The following C2CD3 variants were observed in gnomAD, a reference collection of about 807,000 sequenced individuals.
The protein encoded by C2CD3 is C2 domain containing 3 centriole elongation regulator.
In C2CD3, 148 loss-of-function variants were observed where a neutral mutation model predicts 234.0. The observed-to-expected ratio is 0.63, with a 90% CI of 0.55 to 0.72. The LOEUF is 0.72. Among genes scored for constraint, C2CD3 ranks in the 30% least tolerant of loss-of-function variants. C2CD3 has a pLI of 0.00. For synonymous variants in C2CD3, 1,000 were observed against 1,035.4 expected (o/e 0.97, Z 0.66); for missense variants, 2,577 against 2,811.5 (o/e 0.92, Z 1.89).
At chr11:74,054,889 C>A (rs987430375) in intron 25 of C2CD3, among the ~76,000 whole-genome samples, 3 of 152,124 alleles carry the variant, frequency 2.0e-5, no homozygotes, top group African/African-American at 7.2e-5. Flanking sequence ...AAACAGGCTC[C>A]CCTGACACAA....
In C2CD3 at chr11:74,065,913, G is replaced by A. The variant is rs573795728; in HGVS notation, c.4951+8340C>T. 7.3e-3 allele frequency among the ~76,000 whole-genome samples: 811 copies of A among 110,630 alleles called. 7 individuals are homozygous for A. Among genetic ancestry groups the A allele is most frequent in the African/African-American group, 0.026 (734 of 28,634 alleles). The allele number at this position is 110,630 out of a possible 152,430, so 72.6% of individuals were successfully genotyped here. ...GGAACATCACACACCAGGGCCTGTC[G>A]TGGGGTGGGGGGAGGGGGGAGGGAT... is the stretch of plus-strand genomic sequence containing the variant. On this transcript the variant is annotated intron_variant, in intron 24 of 32. Coordinates refer to ENST00000334126, the MANE Select transcript of C2CD3 (RefSeq NM_001286577.2).
chr11:74,021,888 A>G (rs181063290), intron 32 of C2CD3, among the ~76,000 whole-genome samples: 3 of 152,220 alleles, frequency 2.0e-5, no homozygotes, highest in East Asian at 1.9e-4. Flanking sequence ...CATTTTGGGA[A>G]GCTGAGGCGG....
In C2CD3 at chr11:74,033,418, A is replaced by C. The variant is rs1192106639; in HGVS notation, c.6742T>G (p.Ser2248Ala). 2 of 1,535,998 alleles carry C rather than the reference A, an allele frequency of 1.3e-6. No individual in the cohort carries two copies. The highest frequency in any genetic ancestry group is 1.7e-6 in the Non-Finnish European group (2 of 1,146,902). Reference sequence around the variant, plus strand: ...ACCTGCCTCTGCCTGATGTCAGAGGAGTCGATGGGTGGTCCCTTATGGTTT... The same window carrying C: ...ACCTGCCTCTGCCTGATGTCAGAGGCGTCGATGGGTGGTCCCTTATGGTTT... ...RENHKGPPID[S>A]SDIRQRQVTT... The change falls in exon 31 of 33, where the codon TCC (serine) becomes GCC (alanine). Residue 2248 changes from serine to alanine, a missense_variant. Physicochemically the swap from Ser to Ala is moderately conservative, Grantham distance 99. Coordinates refer to ENST00000334126, the MANE Select transcript of C2CD3 (RefSeq NM_001286577.2).
At position 74,108,960 on chromosome 11, in the gene C2CD3, T is replaced by C. The variant is rs563791660; in HGVS notation, c.1962+74A>G. 91 of 739,618 alleles carry C rather than the reference T, an allele frequency of 1.2e-4. 1 individual carries two copies. The Middle Eastern group carries it at 6.4e-3, about 52-fold the overall frequency. 45.8% of individuals were successfully genotyped at this position (739,618 alleles called of 1,614,324 possible). ...TGCACCTGAAGATTCCTAGTTTAGG[T>C]AAGAATATAATTTTAGGTATCCTCC... On this transcript the variant is annotated intron_variant, in intron 12 of 32. Coordinates refer to ENST00000334126, the MANE Select transcript of C2CD3 (RefSeq NM_001286577.2).
At chr11:74,128,108 C>T (rs1172467538) in intron 7 of C2CD3, among the ~76,000 whole-genome samples, 1 of 152,202 alleles carries the variant, frequency 6.6e-6, no homozygotes, top group African/African-American at 2.4e-5. Context: ...CGTGATCCGC[C>T]TGCCTCGGCC....
At chr11:74,133,205 C>T (rs1294331699) in intron 6 of C2CD3, among the ~76,000 whole-genome samples, 5 of 152,124 alleles carry the variant, frequency 3.3e-5, no homozygotes, top group Non-Finnish European at 5.9e-5. Context: ...GATACCAGTT[C>T]GGAGACAGTA....
At chr11:74,168,165 C>T in intron 2 of C2CD3, 179 bp downstream of exon 2, 2 of 591,570 alleles carry the variant, frequency 3.4e-6, no homozygotes, top group Non-Finnish European at 6.0e-6. Flanking sequence ...TTCAAAACTG[C>T]TGGCACACAG....
chr11:74,082,741 G>A (rs754687962), intron 22 of C2CD3, among the ~76,000 whole-genome samples: 27 of 152,148 alleles, frequency 1.8e-4, no homozygotes, highest in Non-Finnish European at 4.0e-4. Context: ...CAAGGGACAT[G>A]AAGGACCTCT....
intron 32 of C2CD3, among the ~76,000 whole-genome samples, chr11:74,015,241 G>C (rs1018145821): frequency 2.6e-5 from 4 of 152,238 alleles, no homozygotes; most frequent in Non-Finnish European, 5.9e-5. Context: ...CTAGACCAGT[G>C]TGGGTGGGAC....
At chr11:74,057,041 G>A (rs1211290292) in intron 25 of C2CD3, among the ~76,000 whole-genome samples, 2 of 151,780 alleles carry the variant, frequency 1.3e-5, no homozygotes, top group African/African-American at 4.8e-5. Flanking sequence ...TGGGATTACA[G>A]GCATGTGTCA....
chr11:74,162,775 CT>C (rs1038534907), intron 2 of C2CD3, among the ~76,000 whole-genome samples: 53 of 152,304 alleles, frequency 3.5e-4, no homozygotes, highest in Admixed American at 1.9e-3. Context: ...ATAACTCAGG[CT>C]TTGGTTTTGA....
rs1222758523 is a variant in C2CD3, at chr11:74,132,916, G to A, written c.1145C>T (p.Pro382Leu). ...FKDHIEDHLL[P>L]STENTFWRHD... ...TCTCCAAAATGTATTCTCAGTTGAA[G>A]GGAGGAGGTGATCTTCAATGTGGTC... The change falls in exon 7 of 33, where the codon CCT (proline) becomes CTT (leucine). Residue 382 changes from proline to leucine, a missense_variant. Coordinates refer to ENST00000334126, the MANE Select transcript of C2CD3 (RefSeq NM_001286577.2). 5 of 1,613,594 alleles carry A rather than the reference G, an allele frequency of 3.1e-6. No individual in the cohort carries two copies. In the South Asian group the frequency reaches 4.4e-5, roughly 14 times the overall value.
intron 8 of C2CD3, among the ~76,000 whole-genome samples, chr11:74,119,304 TAATG>T (rs1957134416): frequency 6.6e-6 from 1 of 152,174 alleles, no homozygotes. Flanking sequence ...CAAATTTTCT[TAATG>T]AGAGAACCAA....
At chr11:74,087,291 C>T (rs887441685) in intron 20 of C2CD3, among the ~76,000 whole-genome samples, 1 of 151,930 alleles carries the variant, frequency 6.6e-6, no homozygotes, top group Admixed American at 6.6e-5. Flanking sequence ...AGGCTGGGTG[C>T]GGTGGCTCGC....
At chr11:74,161,064 G>A (rs981824716) in intron 3 of C2CD3, among the ~76,000 whole-genome samples, 1 of 152,170 alleles carries the variant, frequency 6.6e-6, no homozygotes, top group African/African-American at 2.4e-5. Context: ...GAATTAAAGA[G>A]AGCCTACTAA....
At chr11:74,085,431 T>C in intron 21 of C2CD3, 187 bp downstream of exon 21, 1 of 597,840 alleles carries the variant, frequency 1.7e-6, no homozygotes, top group Non-Finnish European at 2.9e-6. Flanking sequence ...TTTATTTCTC[T>C]CTACACTATC....
chr11:74,058,675 A>T (rs1249569416), intron 24 of C2CD3, among the ~76,000 whole-genome samples: 2 of 152,012 alleles, frequency 1.3e-5, no homozygotes, highest in African/African-American at 2.4e-5. Context: ...AGAATACCTA[A>T]TGTTAATTTT....
intron 7 of C2CD3, among the ~76,000 whole-genome samples, chr11:74,123,397 CTTA>C (rs1364643456): frequency 6.6e-6 from 1 of 152,134 alleles, no homozygotes. Flanking sequence ...TTATTGGTCA[CTTA>C]TTATGTGCTA....
Position 74,055,251 on chromosome 11 carries a change from C to A in C2CD3, c.5091-580G>T, listed in dbSNP as rs139825523. Among the ~76,000 whole-genome samples, 474 of 152,190 alleles carry A rather than the reference C, an allele frequency of 3.1e-3. 1 individual carries two copies. The highest frequency in any genetic ancestry group is 0.011 in the African/African-American group (452 of 41,514). On this transcript the variant is annotated intron_variant, in intron 25 of 32. Coordinates refer to ENST00000334126, the MANE Select transcript of C2CD3 (RefSeq NM_001286577.2). ...TAAGTAGTAGGGCTAGGATTTAAACCCTGGCTTGCCTGACCTCAATGCTAC... is the reference window on the plus strand; with the variant it reads ...TAAGTAGTAGGGCTAGGATTTAAACACTGGCTTGCCTGACCTCAATGCTAC...
Sources: allele counts gnomAD v4.1 joint callset (sites outside exome capture counted in the v4.1 genomes callset), GRCh38; gene constraint gnomAD v4.1.1; transcripts MANE v1.5; gene names NCBI Gene and HGNC (gene_info 2026-07-23, HGNC 2026-07-21).